Variants in DPP10 observed in about 807,000 individuals in gnomAD.
DPP10 encodes dipeptidyl peptidase like 10.
In DPP10, 33 loss-of-function variants were observed where a neutral mutation model predicts 120.9. That is an observed-to-expected ratio of 0.27 (90% CI 0.21 to 0.37). The LOEUF is 0.37. Among genes scored for constraint, DPP10 ranks in the 10% least tolerant of loss-of-function variants. DPP10 has a pLI of 1.00. For synonymous variants in DPP10, 337 were observed against 326.1 expected, an observed-to-expected ratio of 1.03 and a Z score of -0.36; for missense variants, 816 against 942.8, an observed-to-expected ratio of 0.87 and a Z score of 1.76.
intron 1 of DPP10, among the ~76,000 whole-genome samples, chr2:114,909,914 G>T (rs1694240103): frequency 6.6e-6 from 1 of 151,866 alleles, no homozygotes; most frequent in South Asian, 2.1e-4. Flanking sequence ...AAAGTCAGCA[G>T]ACGTAATGAA....
Position 115,514,076 on chromosome 2 carries a change from C to T in DPP10, c.367-11822C>T, listed in dbSNP as rs892077141. 3.3e-5 allele frequency among the ~76,000 whole-genome samples: 5 copies of T among 151,880 alleles called. No individual in the cohort carries two copies. In the South Asian group the frequency reaches 6.2e-4, roughly 19 times the overall value. On this transcript the variant is annotated intron_variant, in intron 4 of 25. Coordinates refer to ENST00000410059, the MANE Select transcript of DPP10 (RefSeq NM_020868.6). Reference sequence around the variant, plus strand: ...GCTTTTTCTTTTAATACTTTGAAGACGTCAACCTAAATCTCTTCTGACCTC... The same window carrying T: ...GCTTTTTCTTTTAATACTTTGAAGATGTCAACCTAAATCTCTTCTGACCTC...
At chr2:115,249,162 G>T (rs1181097997) in intron 1 of DPP10, among the ~76,000 whole-genome samples, 1 of 151,968 alleles carries the variant, frequency 6.6e-6, no homozygotes, top group African/African-American at 2.4e-5. Context: ...TTGCACTGTG[G>T]CGATACACAG....
chr2:114,581,308 C>T (rs916617351), intron 1 of DPP10, among the ~76,000 whole-genome samples: 8 of 150,572 alleles, frequency 5.3e-5, no homozygotes, highest in South Asian at 2.1e-4. Context: ...CTCAGCCTCC[C>T]GAGTAGCTGG....
intron 11 of DPP10, among the ~76,000 whole-genome samples, chr2:115,760,645 A>C (rs189072976): frequency 2.8e-4 from 42 of 152,348 alleles, no homozygotes; most frequent in African/African-American, 1.0e-3. Context: ...GAAATGAGAT[A>C]GTTAAATCAA....
intron 5 of DPP10, among the ~76,000 whole-genome samples, chr2:115,621,337 A>G (rs558471847): frequency 3.9e-5 from 6 of 152,316 alleles, no homozygotes; most frequent in Admixed American, 1.3e-4. Context: ...AATTACAGCA[A>G]TTATTTCTAG....
chr2:115,413,692 A>T (rs933990566), intron 3 of DPP10, among the ~76,000 whole-genome samples: 3 of 152,218 alleles, frequency 2.0e-5, no homozygotes, highest in Non-Finnish European at 4.4e-5. Flanking sequence ...CTGATTAGGC[A>T]AGCAAAAATA....
At chr2:115,453,354 AT>A (rs398090564) in intron 3 of DPP10, among the ~76,000 whole-genome samples, 8 of 151,134 alleles carry the variant, frequency 5.3e-5, no homozygotes, top group African/African-American at 1.7e-4. Flanking sequence ...AAATTAGAAA[AT>A]TTTTTTTCTT....
intron 1 of DPP10, among the ~76,000 whole-genome samples, chr2:115,108,382 A>G (rs1330758728): frequency 1.3e-5 from 2 of 152,230 alleles, no homozygotes; most frequent in African/African-American, 2.4e-5. Flanking sequence ...GCAAAAAGAG[A>G]GCACATTATC....
At chr2:114,618,248 G>T (rs1693824196) in intron 1 of DPP10, among the ~76,000 whole-genome samples, 1 of 151,902 alleles carries the variant, frequency 6.6e-6, no homozygotes, top group Non-Finnish European at 1.5e-5. Flanking sequence ...TCATGTAATT[G>T]TTGAAATACC....
At chr2:114,774,594 G>A (rs1681563878) in intron 1 of DPP10, among the ~76,000 whole-genome samples, 1 of 148,812 alleles carries the variant, frequency 6.7e-6, no homozygotes, top group South Asian at 2.3e-4. Flanking sequence ...TCAAAGTTGT[G>A]AGCGTATCAC....
chr2:115,794,480 AT>A (rs1186286566), intron 19 of DPP10, among the ~76,000 whole-genome samples: 4 of 152,210 alleles, frequency 2.6e-5, no homozygotes, highest in African/African-American at 9.6e-5. Flanking sequence ...AACATTTAAA[AT>A]GTAAGTGAAT....
At chr2:115,021,941 G>A (rs899901382) in intron 1 of DPP10, among the ~76,000 whole-genome samples, 7 of 151,880 alleles carry the variant, frequency 4.6e-5, no homozygotes, top group Admixed American at 1.3e-4. Context: ...ACAGAAAAGC[G>A]TTTGACAAAA....
intron 1 of DPP10, among the ~76,000 whole-genome samples, chr2:115,046,968 A>G (rs1415061673): frequency 1.3e-5 from 2 of 152,076 alleles, no homozygotes; most frequent in East Asian, 3.9e-4. Flanking sequence ...TATAAGCTTC[A>G]TCTGGTACAT....
intron 13 of DPP10, among the ~76,000 whole-genome samples, chr2:115,768,844 A>G (rs1681109268): frequency 6.6e-6 from 1 of 152,124 alleles, no homozygotes. Flanking sequence ...AAATTATGGC[A>G]CATCCCCACA....
chr2:115,354,688 G>T (rs1310645824), intron 3 of DPP10, among the ~76,000 whole-genome samples: 1 of 150,884 alleles, frequency 6.6e-6, no homozygotes, highest in Non-Finnish European at 1.5e-5. Context: ...TGTCCTCTAA[G>T]TTCCCTCCCC....
At chr2:115,087,785 C>T (rs1040980537) in intron 1 of DPP10, among the ~76,000 whole-genome samples, 2 of 151,810 alleles carry the variant, frequency 1.3e-5, no homozygotes, top group Non-Finnish European at 2.9e-5. Context: ...AACTCATGAC[C>T]TCAGGTCATC....
chr2:115,648,920 A>G (rs890632451), intron 5 of DPP10, among the ~76,000 whole-genome samples: 1 of 152,054 alleles, frequency 6.6e-6, no homozygotes, highest in African/African-American at 2.4e-5. Context: ...TTAATGGAGT[A>G]GGGACACCAA....
At chr2:114,711,213 G>C (rs1472164158) in intron 1 of DPP10, among the ~76,000 whole-genome samples, 1 of 152,192 alleles carries the variant, frequency 6.6e-6, no homozygotes, top group Non-Finnish European at 1.5e-5. Flanking sequence ...GACAATAATT[G>C]TAGCAGAGGA....
At chr2:114,641,951 T>TA (rs772260389) in intron 1 of DPP10, among the ~76,000 whole-genome samples, 11 of 151,690 alleles carry the variant, frequency 7.3e-5, no homozygotes, top group East Asian at 1.9e-4. Flanking sequence ...TTTTCACTTT[T>TA]AAAAAAAATC....
Sources: gnomAD v4.1 joint callset for allele counts (sites outside exome capture counted in the v4.1 genomes callset) on GRCh38, gnomAD v4.1.1 for gene constraint, MANE v1.5 for transcripts, NCBI Gene and HGNC (gene_info 2026-07-23, HGNC 2026-07-21) for gene names.